Variants in NELL1 observed in about 807,000 individuals in gnomAD.
The protein encoded by NELL1 is protein kinase C-binding protein NELL1.
A neutral mutation model predicts 107.4 loss-of-function variants in NELL1; 76 were observed. That is an observed-to-expected ratio of 0.71 (90% CI 0.59 to 0.86). The LOEUF (loss-of-function observed/expected upper bound fraction) is 0.86. Among genes scored for constraint, NELL1 ranks in the 40% least tolerant of loss-of-function variants. The probability of loss-of-function intolerance (pLI) is 0.00; values close to 1 mark genes in which losing one functional copy is unlikely to be tolerated. For synonymous variants in NELL1, 353 were observed against 341.2 expected (o/e 1.03, Z -0.38); for missense variants, 1,024 against 1,005.5 (o/e 1.02, Z -0.25).
At chr11:21,349,352 C>G (rs1473669897) in intron 14 of NELL1, among the ~76,000 whole-genome samples, 1 of 152,078 alleles carries the variant, frequency 6.6e-6, no homozygotes, top group Non-Finnish European at 1.5e-5. Flanking sequence ...TTCACAAACA[C>G]CTGCCTGAGT....
intron 15 of NELL1, among the ~76,000 whole-genome samples, chr11:21,438,329 T>C (rs945679274): frequency 6.6e-6 from 1 of 152,168 alleles, no homozygotes; most frequent in Non-Finnish European, 1.5e-5. Context: ...TGGTTTCTGC[T>C]GAAAAATACA....
chr11:20,872,670 A>AGGTG (rs1236034404), intron 4 of NELL1, among the ~76,000 whole-genome samples: 8 of 54,874 alleles, frequency 1.5e-4, no homozygotes, highest in African/African-American at 3.5e-4. Context: ...CCAGTGTTTG[A>AGGTG]GGTGTGTGTG....
chr11:21,116,942 T>C (rs1855250471), intron 13 of NELL1, among the ~76,000 whole-genome samples: 1 of 151,978 alleles, frequency 6.6e-6, no homozygotes, highest in African/African-American at 2.4e-5. Context: ...GAAAATCAAA[T>C]CCCTGTTTCT....
rs553310817 is a variant in NELL1 at position 20,983,753 on chromosome 11, A to G, written c.1300+23193A>G. On this transcript the variant is annotated intron_variant, in intron 12 of 19. Transcript: ENST00000357134. ...ACTTCCTTCATTCTAGCTCTCTTTA[A>G]TTGGTTTTGGATGTTGTACACAGAG... Among the ~76,000 whole-genome samples, 3 of 151,666 alleles carry G rather than the reference A, an allele frequency of 2.0e-5. No homozygotes were observed. In the South Asian group the frequency reaches 6.3e-4, roughly 32 times the overall value.
chr11:20,906,233 G>A (rs1048280379), intron 5 of NELL1, among the ~76,000 whole-genome samples: 3 of 152,078 alleles, frequency 2.0e-5, no homozygotes, highest in African/African-American at 7.2e-5. Context: ...TAACCTAGAT[G>A]AAATGGACAA....
intron 5 of NELL1, among the ~76,000 whole-genome samples, chr11:20,907,772 G>T (rs1333954005): frequency 6.6e-6 from 1 of 152,066 alleles, no homozygotes; most frequent in African/African-American, 2.4e-5. Context: ...GAGTGAACAG[G>T]CATCCAACAG....
chr11:21,568,521 G>A (rs943356485), intron 17 of NELL1, among the ~76,000 whole-genome samples: 2 of 151,068 alleles, frequency 1.3e-5, no homozygotes, highest in Non-Finnish European at 3.0e-5. Context: ...TTTAATTTTT[G>A]TAACTTTTTG....
intron 13 of NELL1, among the ~76,000 whole-genome samples, chr11:21,144,104 T>C (rs1855923713): frequency 6.6e-6 from 1 of 152,152 alleles, no homozygotes; most frequent in South Asian, 2.1e-4. Context: ...GGAACGATGG[T>C]GGAGCATTAG....
chr11:21,249,027 C>T (rs1460864916), intron 14 of NELL1, among the ~76,000 whole-genome samples: 3 of 152,078 alleles, frequency 2.0e-5, no homozygotes, highest in Non-Finnish European at 2.9e-5. Flanking sequence ...TGCTGGGGGG[C>T]CTCTATACCC....
chr11:21,217,918 A>T (rs1857657853), intron 13 of NELL1, among the ~76,000 whole-genome samples: 1 of 152,086 alleles, frequency 6.6e-6, no homozygotes, highest in Non-Finnish European at 1.5e-5. Flanking sequence ...ACAGGGTTGG[A>T]TTTATTAGAG....
At chr11:21,559,343 G>A (rs1856797342) in intron 16 of NELL1, among the ~76,000 whole-genome samples, 1 of 152,086 alleles carries the variant, frequency 6.6e-6, no homozygotes, top group South Asian at 2.1e-4. Flanking sequence ...ATCCAAAGGT[G>A]GAGTCAGGTA....
At chr11:20,921,624 A>G (rs1234772414) in intron 7 of NELL1, among the ~76,000 whole-genome samples, 1 of 152,110 alleles carries the variant, frequency 6.6e-6, no homozygotes, top group Non-Finnish European at 1.5e-5. Flanking sequence ...ATTACCAAGA[A>G]AGAGCAAATA....
At chr11:21,488,115 C>A (rs1013736798) in intron 15 of NELL1, among the ~76,000 whole-genome samples, 17 of 152,060 alleles carry the variant, frequency 1.1e-4, no homozygotes, top group African/African-American at 4.1e-4. Flanking sequence ...TAGACAGATT[C>A]TCTAGACAGA....
intron 13 of NELL1, among the ~76,000 whole-genome samples, chr11:21,150,577 A>G (rs1444139660): frequency 2.0e-5 from 3 of 152,204 alleles, no homozygotes; most frequent in South Asian, 2.1e-4. Context: ...AATGCCGTTC[A>G]TGGCCTGGGC....
chr11:21,313,812 C>G (rs934912426), intron 14 of NELL1, among the ~76,000 whole-genome samples: 4 of 152,058 alleles, frequency 2.6e-5, no homozygotes, highest in African/African-American at 9.7e-5. Flanking sequence ...GATATATTCC[C>G]CTCCAAATCT....
chr11:20,740,469 AGCTT>A (rs2133933182), intron 2 of NELL1, among the ~76,000 whole-genome samples: 1 of 152,286 alleles, frequency 6.6e-6, no homozygotes, highest in South Asian at 2.1e-4. Flanking sequence ...AGAATCCTGA[AGCTT>A]TCTCAGCCTT....
At chr11:20,692,394 G>A (rs1323335392) in intron 2 of NELL1, among the ~76,000 whole-genome samples, 7 of 151,192 alleles carry the variant, frequency 4.6e-5, no homozygotes, top group Admixed American at 6.6e-5. Flanking sequence ...TCAATTTTGG[G>A]TCTTTCCTGC....
At chr11:20,921,119 T>C (rs1479835668) in intron 7 of NELL1, among the ~76,000 whole-genome samples, 2 of 152,140 alleles carry the variant, frequency 1.3e-5, no homozygotes, top group Non-Finnish European at 2.9e-5. Flanking sequence ...ATATTATGTG[T>C]AGACTTAGTT....
intron 3 of NELL1, among the ~76,000 whole-genome samples, chr11:20,812,957 C>T (rs1329668980): frequency 9.4e-5 from 13 of 137,940 alleles, no homozygotes; most frequent in Non-Finnish European, 1.7e-4. Context: ...TGCAGTGAGC[C>T]GGGATTGAGC....
Sources: allele counts gnomAD v4.1 joint callset (sites outside exome capture counted in the v4.1 genomes callset), GRCh38; gene constraint gnomAD v4.1.1; transcripts MANE v1.5; gene names NCBI Gene and HGNC (gene_info 2026-07-23, HGNC 2026-07-21).